CTNNA2: variants seen among roughly 807,000 people sequenced by gnomAD.
CTNNA2 encodes catenin alpha 2.
CTNNA2 carries 42 observed loss-of-function variants against 101.0 expected under a neutral mutation model. The observed-to-expected ratio is 0.42, with a 90% CI of 0.32 to 0.54. The LOEUF (loss-of-function observed/expected upper bound fraction) is 0.54. CTNNA2 is among the 20% of genes least tolerant of loss of function. The probability of loss-of-function intolerance (pLI) is 0.14; values close to 1 mark genes in which losing one functional copy is unlikely to be tolerated. For missense variants in CTNNA2, 871 were observed against 1,223.1 expected, an observed-to-expected ratio of 0.71 and a Z score of 4.29; for synonymous variants, 450 against 456.4, an observed-to-expected ratio of 0.99 and a Z score of 0.18.
At chr2:79,453,379 G>A (rs1039029690) in intron 4 of CTNNA2, among the ~76,000 whole-genome samples, 4 of 152,048 alleles carry the variant, frequency 2.6e-5, no homozygotes, top group Non-Finnish European at 5.9e-5. Context: ...CCTGGCTCTG[G>A]TACTTTAATT....
At position 79,298,847 on chromosome 2, in the gene CTNNA2, C is replaced by G. The variant is rs186935377; in HGVS notation, c.-405-13862C>G. On this transcript the variant is annotated intron_variant, in intron 2 of 21. Coordinates refer to the CTNNA2 transcript ENST00000466387. ...TCTTTTCTTTCAAATATGTTCCCCA[C>G]AAATCTGTGTCTGATGCATAGTTGG... 2.0e-5 allele frequency among the ~76,000 whole-genome samples: 3 copies of G among 152,334 alleles called. No homozygotes were observed. The East Asian group carries it at 5.8e-4, about 29-fold the overall frequency.
intron 3 of CTNNA2, among the ~76,000 whole-genome samples, chr2:79,850,173 C>G (rs1464583152): frequency 6.6e-6 from 1 of 151,458 alleles, no homozygotes; most frequent in Non-Finnish European, 1.5e-5. Flanking sequence ...CCCTCCCTTC[C>G]TCCATCCTTC....
intron 1 of CTNNA2, among the ~76,000 whole-genome samples, chr2:79,528,270 T>C (rs1398399195): frequency 1.3e-5 from 2 of 151,922 alleles, no homozygotes; most frequent in African/African-American, 4.8e-5. Flanking sequence ...TTAAGTGCAG[T>C]GGTGCAACCA....
chr2:80,524,268 C>T (rs184188666), intron 9 of CTNNA2, among the ~76,000 whole-genome samples: 292 of 152,250 alleles, frequency 1.9e-3, no homozygotes, highest in African/African-American at 6.7e-3. Context: ...GAAGAGGTAC[C>T]TCATAAGATA....
intron 7 of CTNNA2, among the ~76,000 whole-genome samples, chr2:80,354,036 A>C (rs2149303578): frequency 6.6e-6 from 1 of 152,290 alleles, no homozygotes; most frequent in South Asian, 2.1e-4. Flanking sequence ...GAGGTAAATG[A>C]GAGAACCAGA....
chr2:79,505,783 G>A (rs970443716), intron 5 of CTNNA2, among the ~76,000 whole-genome samples: 20 of 152,156 alleles, frequency 1.3e-4, no homozygotes, highest in Admixed American at 6.5e-5. Context: ...TGTGCTCTGT[G>A]CACTCTCATT....
intron 2 of CTNNA2, among the ~76,000 whole-genome samples, chr2:79,265,239 C>A (rs919909078): frequency 1.3e-5 from 2 of 152,084 alleles, no homozygotes; most frequent in African/African-American, 4.8e-5. Flanking sequence ...TGGCAAAAAG[C>A]CAGAATATTT....
chr2:79,638,661 T>G (rs1040441363), intron 1 of CTNNA2, among the ~76,000 whole-genome samples: 9 of 152,222 alleles, frequency 5.9e-5, no homozygotes, highest in Admixed American at 1.3e-4. Context: ...CACAGGAAAC[T>G]GCATGAGGCA....
chr2:79,774,108 T>C (rs943993059), intron 3 of CTNNA2, among the ~76,000 whole-genome samples: 2 of 152,232 alleles, frequency 1.3e-5, no homozygotes, highest in African/African-American at 4.8e-5. Context: ...ACAAACTGGT[T>C]GTGGCAGAAG....
chr2:80,597,877 T>G (rs543486848), intron 15 of CTNNA2, among the ~76,000 whole-genome samples: 1 of 152,310 alleles, frequency 6.6e-6, no homozygotes, highest in African/African-American at 2.4e-5. Context: ...GGTGGGAGTG[T>G]AAATTAGTTG....
At chr2:80,485,230 G>A (rs1334753821) in intron 9 of CTNNA2, among the ~76,000 whole-genome samples, 6 of 152,050 alleles carry the variant, frequency 3.9e-5, no homozygotes, top group Non-Finnish European at 7.4e-5. Context: ...ACTTTGATCA[G>A]AATATTTGTT....
At chr2:80,202,901 T>A (rs1707293587) in intron 7 of CTNNA2, among the ~76,000 whole-genome samples, 2 of 152,178 alleles carry the variant, frequency 1.3e-5, no homozygotes, top group African/African-American at 4.8e-5. Flanking sequence ...GCAAGAGGTT[T>A]ATGGACTTAC....
intron 7 of CTNNA2, chr2:80,289,268 T>C (rs1675032344): frequency 6.6e-6 from 1 of 152,184 alleles, no homozygotes; most frequent in African/African-American, 2.4e-5. Flanking sequence ...TCAAAGCATC[T>C]GTAGTGGCTA....
intron 12 of CTNNA2, among the ~76,000 whole-genome samples, chr2:80,567,494 C>T (rs1051503005): frequency 3.3e-5 from 5 of 152,108 alleles, no homozygotes; most frequent in Admixed American, 6.6e-5. Context: ...CTTTAGGGCC[C>T]CAGTAGTTGA....
intron 3 of CTNNA2, among the ~76,000 whole-genome samples, chr2:79,313,105 C>T (rs1676421456): frequency 6.6e-6 from 1 of 152,182 alleles, no homozygotes; most frequent in Non-Finnish European, 1.5e-5. Flanking sequence ...TGCTATAAAA[C>T]ATCCTCAAGC....
At chr2:80,328,429 C>G (rs908773580) in intron 7 of CTNNA2, 3 of 469,774 alleles carry the variant, frequency 6.4e-6, no homozygotes, top group Non-Finnish European at 1.3e-5. Flanking sequence ...GACTGAGGGA[C>G]CTACTGAGAG....
At chr2:80,005,597 T>C (rs1177202578) in intron 7 of CTNNA2, among the ~76,000 whole-genome samples, 2 of 152,150 alleles carry the variant, frequency 1.3e-5, no homozygotes, top group African/African-American at 4.8e-5. Flanking sequence ...GAGTGGCATT[T>C]GGAAAGAAAA....
chr2:79,265,231 G>A (rs1445965997), intron 2 of CTNNA2, among the ~76,000 whole-genome samples: 1 of 152,106 alleles, frequency 6.6e-6, no homozygotes, highest in African/African-American at 2.4e-5. Context: ...ACAACATATG[G>A]CAAAAAGCCA....
intron 3 of CTNNA2, among the ~76,000 whole-genome samples, chr2:79,800,465 C>T (rs1676066698): frequency 6.6e-6 from 1 of 151,876 alleles, no homozygotes; most frequent in South Asian, 2.1e-4. Flanking sequence ...TTGTCAATAC[C>T]TCAGTAATAT....
Sources: gnomAD v4.1 joint callset for allele counts (sites outside exome capture counted in the v4.1 genomes callset) on GRCh38, gnomAD v4.1.1 for gene constraint, MANE v1.5 for transcripts, NCBI Gene and HGNC (gene_info 2026-07-23, HGNC 2026-07-21) for gene names.